The following USP16 variants were observed in gnomAD, a reference collection of about 807,000 sequenced individuals.
USP16 encodes ubiquitin carboxyl-terminal hydrolase 16.
A neutral mutation model predicts 95.9 loss-of-function variants in USP16; 77 were observed. The ratio of observed to expected loss-of-function variants is 0.80; its 90% CI spans 0.67 to 0.97. The LOEUF (loss-of-function observed/expected upper bound fraction) is 0.97, where lower values mean the gene tolerates loss of function less well. Among genes scored for constraint, USP16 ranks in the 50% least tolerant of loss-of-function variants. The probability of loss-of-function intolerance (pLI) is 0.00; values close to 1 mark genes in which losing one functional copy is unlikely to be tolerated. For missense variants in USP16, 943 were observed against 959.9 expected, an observed-to-expected ratio of 0.98 and a Z score of 0.23; for synonymous variants, 303 against 318.2, an observed-to-expected ratio of 0.95 and a Z score of 0.51.
At chr21:29,035,867 C>G (rs1053185155) in intron 4 of USP16, among the ~76,000 whole-genome samples, 1 of 151,886 alleles carries the variant, frequency 6.6e-6, no homozygotes, top group Admixed American at 6.6e-5. Flanking sequence ...TGCAGTGAGC[C>G]GAGATCCTGC....
chr21:29,039,221 T>C (rs895481287), intron 8 of USP16, 65 bp downstream of exon 8: 3 of 1,277,306 alleles, frequency 2.3e-6, no homozygotes, highest in Non-Finnish European at 3.0e-6. Context: ...ATATTAATAT[T>C]AAATAGTAAA....
chr21:29,042,496 CT>C lies in USP16; in HGVS notation c.1149del (p.Asp384IlefsTer7). Reference protein sequence around the residue: ...RTVSLVHESFLDLSLPVLDDQ... With the variant: ...RTVSLVHESFXDLSLPVLDDQ... Reference sequence around the variant, plus strand: ...GGTCTCCTTGGTTCATGAATCTTTCCTTGATTTGTCCCTCCCAGTTTTAGAT... The same window carrying C: ...GGTCTCCTTGGTTCATGAATCTTTCCTGATTTGTCCCTCCCAGTTTTAGAT... On this transcript the variant is annotated frameshift_variant, in exon 12 of 18. Coordinates refer to ENST00000399976, the MANE Select transcript of USP16 (RefSeq NM_006447.3). LOFTEE classifies it high-confidence loss of function. 1 of 1,602,906 alleles carries C rather than the reference CT, an allele frequency of 6.2e-7. No individual in the cohort carries two copies.
At chr21:29,045,512 C>G (rs560013613) in intron 13 of USP16, among the ~76,000 whole-genome samples, 2 of 152,028 alleles carry the variant, frequency 1.3e-5, no homozygotes, top group African/African-American at 4.8e-5. Flanking sequence ...TTGTCCATTC[C>G]TCTGACCAAA....
chr21:29,035,743 C>T (rs1403821344), intron 4 of USP16, among the ~76,000 whole-genome samples: 2 of 151,656 alleles, frequency 1.3e-5, no homozygotes, highest in Admixed American at 6.6e-5. Context: ...GTTGAAACCC[C>T]ATCTCTACTA....
Position 29,046,650 on chromosome 21 carries a change from G to T in USP16, c.1357-17G>T. 6.4e-7 allele frequency: 1 copy of T among 1,572,264 alleles called. No homozygotes were observed. Among genetic ancestry groups the T allele is most frequent in the Non-Finnish European group, 8.6e-7 (1 of 1,164,228 alleles). ...TTCTTTTTCTTTATTTTTTGATGCCGTATACTTTTTACCCAGAACCAACGA... is the reference window on the plus strand; with the variant it reads ...TTCTTTTTCTTTATTTTTTGATGCCTTATACTTTTTACCCAGAACCAACGA... On this transcript the variant is annotated splice_polypyrimidine_tract_variant and intron_variant, in intron 13 of 17. Transcript: ENST00000399976.
intron 2 of USP16, among the ~76,000 whole-genome samples, chr21:29,029,724 C>T (rs1391257044): frequency 2.0e-5 from 3 of 152,210 alleles, no homozygotes; most frequent in African/African-American, 7.2e-5. Context: ...AGACAGCATG[C>T]ACTTTCACAT....
At position 29,037,434 on chromosome 21, in the gene USP16, A is replaced by G; in HGVS notation, c.607A>G (p.Asn203Asp). ...CGTGAAAGGACTCAGTAATTTGGGA[A>G]ACACATGTTTCTTCAATGCAGTTAT... ...ITVKGLSNLG[N>D]TCFFNAVMQN... The change falls in exon 6 of 18, where the codon AAC becomes GAC. Residue 203 changes from asparagine (N) to aspartate (D), a missense_variant. Asn to Asp is a conservative substitution (Grantham distance 23, BLOSUM62 1). Transcript: ENST00000399976. The G allele has an allele frequency of 1.3e-6, 2 of 1,597,708 alleles. No homozygotes were observed. Among genetic ancestry groups the G allele is most frequent in the Non-Finnish European group, 1.7e-6 (2 of 1,174,988 alleles).
At chr21:29,050,329 T>C in intron 16 of USP16, 151 bp downstream of exon 16, 1 of 641,590 alleles carries the variant, frequency 1.6e-6, no homozygotes, top group Non-Finnish European at 2.6e-6. Context: ...ATTTGAAGAT[T>C]AGTGATGAAT....
chr21:29,030,649 C>T lies in USP16; in HGVS notation c.116C>T (p.Ala39Val), dbSNP rs1601042983. 1.2e-6 allele frequency: 2 copies of T among 1,613,646 alleles called. No homozygotes were observed. Among genetic ancestry groups the T allele is most frequent in the Non-Finnish European group, 1.7e-6 (2 of 1,179,818 alleles). ...TTGGAACAAGGTAATTTGAAAAAGG[C>T]TTTAGTGAATGTGGAATGGAATATC... Reference protein sequence around the residue: ...KGLEQGNLKKALVNVEWNICQ... With the variant: ...KGLEQGNLKKVLVNVEWNICQ... Residue 39 changes from alanine (A) to valine (V), a missense_variant, in exon 3 of 18, where the codon GCT becomes GTT. Physicochemically the swap from Ala to Val is moderately conservative, Grantham distance 64. Coordinates refer to ENST00000399976, the MANE Select transcript of USP16 (RefSeq NM_006447.3).
At chr21:29,027,144 C>T (rs2085004435) in intron 1 of USP16, among the ~76,000 whole-genome samples, 1 of 152,118 alleles carries the variant, frequency 6.6e-6, no homozygotes, top group Non-Finnish European at 1.5e-5. Flanking sequence ...CCTGTATGTA[C>T]TTTTAGCACT....
chr21:29,046,650 G>A lies in USP16; in HGVS notation c.1357-17G>A, dbSNP rs373992561. The A allele has an allele frequency of 8.5e-5, 134 of 1,572,178 alleles. No individual in the cohort carries two copies. Among genetic ancestry groups the A allele is most frequent in the Non-Finnish European group, 1.0e-4 (118 of 1,164,258 alleles). ...TTCTTTTTCTTTATTTTTTGATGCCGTATACTTTTTACCCAGAACCAACGA... is the reference window on the plus strand; with the variant it reads ...TTCTTTTTCTTTATTTTTTGATGCCATATACTTTTTACCCAGAACCAACGA... On this transcript the variant is annotated splice_polypyrimidine_tract_variant and intron_variant, in intron 13 of 17. Coordinates refer to ENST00000399976, the MANE Select transcript of USP16 (RefSeq NM_006447.3).
chr21:29,054,045 T>C (rs773231465), intron 17 of USP16, 21 bp from the exon 18 acceptor site: 7 of 1,613,904 alleles, frequency 4.3e-6, no homozygotes, highest in South Asian at 1.1e-5. Flanking sequence ...TTATGTTTGA[T>C]TTTTCATTTT....
At chr21:29,029,693 G>A (rs1365493045) in intron 2 of USP16, among the ~76,000 whole-genome samples, 1 of 152,120 alleles carries the variant, frequency 6.6e-6, no homozygotes, top group Non-Finnish European at 1.5e-5. Flanking sequence ...TTTGCACATT[G>A]TGTAACTCCA....
intron 3 of USP16, among the ~76,000 whole-genome samples, chr21:29,034,182 C>T (rs2085118064): frequency 6.6e-6 from 1 of 151,916 alleles, no homozygotes; most frequent in Non-Finnish European, 1.5e-5. Context: ...AAGAAGGAGG[C>T]TGAAGTTAGG....
At chr21:29,038,087 T>C (rs1568888983) in intron 6 of USP16, among the ~76,000 whole-genome samples, 1 of 152,124 alleles carries the variant, frequency 6.6e-6, no homozygotes, top group African/African-American at 2.4e-5. Context: ...TGGTGGAGGA[T>C]TGGGGATAGC....
At chr21:29,053,439 G>T (rs2085446366) in intron 16 of USP16, 2 of 183,326 alleles carry the variant, frequency 1.1e-5, no homozygotes, top group African/African-American at 4.7e-5. Context: ...TTCCTGTTCA[G>T]GGCTTACCTT....
At chr21:29,043,383 G>T in intron 12 of USP16, 40 bp from the exon 13 acceptor site, 2 of 1,328,074 alleles carry the variant, frequency 1.5e-6, no homozygotes, top group African/African-American at 3.0e-5. Flanking sequence ...AATGGTAGTT[G>T]TAAAATTTTG....
chr21:29,037,774 CAG>C (rs2085183297), intron 6 of USP16, among the ~76,000 whole-genome samples: 1 of 151,982 alleles, frequency 6.6e-6, no homozygotes, highest in African/African-American at 2.4e-5. Context: ...TTTGTAGAGA[CAG>C]GGTTTCGCCA....
rs372025248 is a variant in USP16, at chr21:29,054,130, T to G, written c.2415T>G (p.Pro805=). 16 of 1,614,126 alleles carry G rather than the reference T, an allele frequency of 9.9e-6. No homozygotes were observed. In the African/African-American group the frequency reaches 2.1e-4, roughly 22 times the overall value. The change falls in exon 18 of 18, where the codon CCT becomes CCG. Residue 805 remains proline, a synonymous_variant. Coordinates refer to ENST00000399976, the MANE Select transcript of USP16 (RefSeq NM_006447.3). ...HISDTHVQAV[P]TTKVLNSQAY... is the part of the protein sequence containing the mutation. ...GCGACACACATGTGCAAGCTGTGCCTACAACTAAAGTACTAAACTCACAAG... is the reference window on the plus strand; with the variant it reads ...GCGACACACATGTGCAAGCTGTGCCGACAACTAAAGTACTAAACTCACAAG...
Sources: gnomAD v4.1 joint callset for allele counts (sites outside exome capture counted in the v4.1 genomes callset) on GRCh38, gnomAD v4.1.1 for gene constraint, MANE v1.5 for transcripts, NCBI Gene and HGNC (gene_info 2026-07-23, HGNC 2026-07-21) for gene names.